Variants in C6orf52 observed in about 807,000 individuals in gnomAD.
C6orf52 encodes chromosome 6 open reading frame 52.
A neutral mutation model predicts 16.6 loss-of-function variants in C6orf52; 16 were observed. The ratio of observed to expected loss-of-function variants is 0.96; its 90% CI spans 0.65 to 1.46. C6orf52 has a LOEUF of 1.46. C6orf52 is among the 40% of genes most tolerant of loss of function. The pLI, the probability that C6orf52 is intolerant of heterozygous loss-of-function variation, is 0.00. For synonymous variants in C6orf52, 53 were observed against 61.4 expected (o/e 0.86, Z 0.64); for missense variants, 166 against 182.3 (o/e 0.91, Z 0.52).
rs1220235674 is a variant in C6orf52, at chr6:10,687,508, G to A, written c.43C>T (p.Gln15Ter). ...ESSADFGIAQ[Q>*]NNYYCYWQSL... ...TGCCAGTAGCAGTAATAGTTATTTTGTTGAGCTATGCCAAAATCTGCAGAA... is the reference window on the plus strand; with the variant it reads ...TGCCAGTAGCAGTAATAGTTATTTTATTGAGCTATGCCAAAATCTGCAGAA... The change falls in exon 2 of 5, where the codon CAA becomes TAA. Residue 15 changes from glutamine (Q) to a stop codon, truncating the protein, a stop_gained. Coordinates refer to ENST00000259983, the MANE Select transcript of C6orf52 (RefSeq NM_001145020.3). LOFTEE classifies it high-confidence loss of function. 1.9e-5 allele frequency: 30 copies of A among 1,550,654 alleles called. No homozygotes were observed. The highest frequency in any genetic ancestry group is 2.5e-5 in the Non-Finnish European group (29 of 1,146,408).
intron 1 of C6orf52, among the ~76,000 whole-genome samples, chr6:10,693,820 C>T (rs1769578048): frequency 6.6e-6 from 1 of 152,148 alleles, no homozygotes; most frequent in Non-Finnish European, 1.5e-5. Flanking sequence ...CCTCGACCTC[C>T]TGGGCTCAAG....
intron 1 of C6orf52, among the ~76,000 whole-genome samples, chr6:10,693,861 T>C (rs1769582710): frequency 6.6e-6 from 1 of 152,162 alleles, no homozygotes; most frequent in Admixed American, 6.5e-5. Flanking sequence ...TCCGAGTTGC[T>C]GAGGCCACAG....
chr6:10,686,275 C>T (rs1034421300), intron 3 of C6orf52, among the ~76,000 whole-genome samples: 6 of 152,138 alleles, frequency 3.9e-5, no homozygotes, highest in African/African-American at 1.2e-4. Context: ...CTACATAGTT[C>T]GTTCTTGCCC....
At chr6:10,673,069 G>A (rs1475543202) in intron 4 of C6orf52, among the ~76,000 whole-genome samples, 1 of 152,040 alleles carries the variant, frequency 6.6e-6, no homozygotes, top group Non-Finnish European at 1.5e-5. Context: ...TTTCCTTTGA[G>A]CGTTTCTGGT....
chr6:10,683,109 T>C (rs1768550862), intron 4 of C6orf52, 78 bp downstream of exon 4: 2 of 966,306 alleles, frequency 2.1e-6, no homozygotes, highest in Non-Finnish European at 3.1e-6. Context: ...AACCTTCCAG[T>C]TTCTAGCAAG....
At chr6:10,690,251 T>G (rs368869788) in intron 1 of C6orf52, among the ~76,000 whole-genome samples, 4 of 152,270 alleles carry the variant, frequency 2.6e-5, no homozygotes, top group African/African-American at 9.6e-5. Flanking sequence ...ACAAGCGCTG[T>G]TTTGCTCACT....
intron 1 of C6orf52, among the ~76,000 whole-genome samples, chr6:10,688,385 T>C (rs1328495830): frequency 3.9e-5 from 6 of 152,218 alleles, no homozygotes; most frequent in African/African-American, 1.4e-4. Flanking sequence ...TCAGGATAAC[T>C]TTTAAGTCCA....
chr6:10,690,287 T>A (rs907714267), intron 1 of C6orf52, among the ~76,000 whole-genome samples: 1 of 152,122 alleles, frequency 6.6e-6, no homozygotes, highest in African/African-American at 2.4e-5. Flanking sequence ...AAACCTTCTG[T>A]TTCAACTAGA....
In C6orf52 at chr6:10,671,461, T is replaced by C; in HGVS notation, c.454A>G (p.Lys152Glu). 1 of 1,538,890 alleles carries C rather than the reference T, an allele frequency of 6.5e-7. No individual in the cohort carries two copies. Residue 152 changes from lysine to glutamate, a missense_variant, in exon 5 of 5, where the codon AAG becomes GAG. Physicochemically the swap from Lys to Glu is moderately conservative, Grantham distance 56 (BLOSUM62 1). Coordinates refer to ENST00000259983, the MANE Select transcript of C6orf52 (RefSeq NM_001145020.3). Reference protein sequence around the residue: ...VHSEIPDETPK With the variant: ...VHSEIPDETPE The stretch of plus-strand genomic sequence containing the variant: ...AGTTTAATGAACACCTTGCTTCACT[T>C]CGGGGTCTCATCTGGGATTTCGGAG...
chr6:10,690,906 G>A (rs955835369), intron 1 of C6orf52, among the ~76,000 whole-genome samples: 5 of 152,228 alleles, frequency 3.3e-5, no homozygotes, highest in Middle Eastern at 3.4e-3. Context: ...CAGTTAAACA[G>A]GTATATAATT....
At chr6:10,687,406 G>T in intron 2 of C6orf52, 74 bp downstream of exon 2, 7 of 1,118,074 alleles carry the variant, frequency 6.3e-6, no homozygotes, top group South Asian at 1.4e-5. Context: ...GCCATAGTTT[G>T]TAAGTTACCA....
intron 4 of C6orf52, among the ~76,000 whole-genome samples, chr6:10,673,005 T>C (rs1366796086): frequency 6.6e-6 from 1 of 152,262 alleles, no homozygotes; most frequent in Non-Finnish European, 1.5e-5. Flanking sequence ...ATTGGAGTCA[T>C]TCATGATTGT....
rs981843696 is a variant in C6orf52, at chr6:10,686,955, G to C, written c.270+11C>G. 3.3e-6 allele frequency: 5 copies of C among 1,524,024 alleles called. No individual in the cohort carries two copies. The highest frequency in any genetic ancestry group is 4.3e-5 in the Admixed American group (2 of 47,018). The allele number at this position is 1,524,024 out of a possible 1,614,324, so 94.4% of individuals were successfully genotyped here. A position where few individuals can be genotyped will look rare whatever the true frequency, so the allele number is the denominator to read the frequency against. On this transcript the variant is annotated intron_variant, in intron 3 of 4. Coordinates refer to ENST00000259983, the MANE Select transcript of C6orf52 (RefSeq NM_001145020.3). ...CACGAATGACACAAGATTCATTCTA[G>C]CAAGGGATACCTTAGGCATAACCAG...
chr6:10,678,235 A>ATCAC (rs1768065051), intron 4 of C6orf52, among the ~76,000 whole-genome samples: 2 of 150,936 alleles, frequency 1.3e-5, no homozygotes, highest in Non-Finnish European at 3.0e-5. Flanking sequence ...GATTCTGTAG[A>ATCAC]TCACTTTGGG....
At chr6:10,672,193 A>T (rs1335094767) in intron 4 of C6orf52, among the ~76,000 whole-genome samples, 7 of 152,180 alleles carry the variant, frequency 4.6e-5, no homozygotes, top group Admixed American at 4.6e-4. Flanking sequence ...GAGCTTTCCA[A>T]GGCTTACAAG....
chr6:10,694,589 A>AAT lies in C6orf52; in HGVS notation c.-108_-107insAT. On this transcript the variant is annotated 5_prime_UTR_variant, in exon 1 of 5. Transcript: ENST00000259983. Reference sequence around the variant, plus strand: ...CACAACAATGCACGCTGCCGGCGCTACAGCCCCTAAGCAACCGGCCGGAAG... The same window carrying AAT: ...CACAACAATGCACGCTGCCGGCGCTAATCAGCCCCTAAGCAACCGGCCGGAAG... The AAT allele has an allele frequency of 5.6e-6, 1 of 178,142 alleles. No homozygotes were observed. The allele number at this position is 178,142 out of a possible 1,614,324, so 11.0% of individuals were successfully genotyped here.
chr6:10,677,120 T>C (rs564517112), intron 4 of C6orf52, among the ~76,000 whole-genome samples: 1 of 152,354 alleles, frequency 6.6e-6, no homozygotes, highest in Non-Finnish European at 1.5e-5. Flanking sequence ...TTTTCCCTTA[T>C]GTTTTCTTCT....
intron 3 of C6orf52, chr6:10,684,850 A>G (rs1217659088): frequency 1.6e-6 from 2 of 1,289,206 alleles, no homozygotes; most frequent in South Asian, 2.5e-5. Flanking sequence ...GAGGCTTACC[A>G]TCTTTAATTT....
intron 4 of C6orf52, among the ~76,000 whole-genome samples, chr6:10,672,847 G>A (rs1308495174): frequency 1.3e-5 from 2 of 152,056 alleles, no homozygotes; most frequent in African/African-American, 4.8e-5. Context: ...ATAAATCTTT[G>A]TTTAAACCAC....
Sources: gnomAD v4.1 joint callset for allele counts (sites outside exome capture counted in the v4.1 genomes callset) on GRCh38, gnomAD v4.1.1 for gene constraint, MANE v1.5 for transcripts, NCBI Gene and HGNC (gene_info 2026-07-23, HGNC 2026-07-21) for gene names.